The following TXLNB variants were observed in gnomAD, a reference collection of about 807,000 sequenced individuals.
TXLNB encodes the protein beta-taxilin.
In TXLNB, 37 loss-of-function variants were observed where a neutral mutation model predicts 57.4. The observed-to-expected ratio is 0.64, with a 90% confidence interval of 0.50 to 0.85. The LOEUF (loss-of-function observed/expected upper bound fraction) is 0.85, where lower values mean the gene tolerates loss of function less well. Among genes scored for constraint, TXLNB ranks in the 40% least tolerant of loss-of-function variants. TXLNB has a pLI of 0.00. For missense variants in TXLNB, 848 were observed against 825.6 expected, an observed-to-expected ratio of 1.03 and a Z score of -0.33; for synonymous variants, 302 against 309.6, an observed-to-expected ratio of 0.98 and a Z score of 0.26.
chr6:139,175,782 T>G, the TXLNB span, among the ~76,000 whole-genome samples: 1 of 152,208 alleles, frequency 6.6e-6, no homozygotes, highest in African/African-American at 2.4e-5. Context: ...ATGAGATTAT[T>G]TCCATGTCTT....
chr6:139,188,124 G>A, the TXLNB span, among the ~76,000 whole-genome samples: 25 of 152,248 alleles, frequency 1.6e-4, no homozygotes, highest in African/African-American at 5.5e-4. Context: ...CTTACTAAGA[G>A]GCTCCTGAAG....
chr6:139,277,047 G>A (rs1336748044), intron 2 of TXLNB, 126 bp from the exon 3 acceptor site: 19 of 663,880 alleles, frequency 2.9e-5, no homozygotes, highest in Non-Finnish European at 2.7e-5. Context: ...CTTATCAGAT[G>A]TAATTTTCTT....
the TXLNB span, among the ~76,000 whole-genome samples, chr6:139,301,468 C>T: frequency 2.6e-5 from 4 of 152,152 alleles, no homozygotes; most frequent in Non-Finnish European, 5.9e-5. Context: ...CCAAAGCTAC[C>T]TTCCTATGAA....
chr6:139,229,849 T>G, the TXLNB span, among the ~76,000 whole-genome samples: 1 of 152,188 alleles, frequency 6.6e-6, no homozygotes, highest in Non-Finnish European at 1.5e-5. Flanking sequence ...CATTAAATAT[T>G]CTCTGATAGA....
chr6:139,269,906 T>C (rs2114556534), intron 4 of TXLNB, among the ~76,000 whole-genome samples: 1 of 152,326 alleles, frequency 6.6e-6, no homozygotes, highest in African/African-American at 2.4e-5. Flanking sequence ...AGTCTATTAT[T>C]TTTAGATTGA....
chr6:139,181,672 G>T, the TXLNB span, among the ~76,000 whole-genome samples: 1 of 152,166 alleles, frequency 6.6e-6, no homozygotes, highest in Non-Finnish European at 1.5e-5. Context: ...GAATGTATAG[G>T]AAAGGTCTTG....
the TXLNB span, chr6:139,234,717 GA>G: frequency 6.6e-6 from 1 of 152,392 alleles, no homozygotes; most frequent in East Asian, 1.9e-4. Flanking sequence ...CAGTGCAGAA[GA>G]AAAATGTGGG....
In TXLNB at chr6:139,255,303, C is replaced by G. The variant is rs1776307275; in HGVS notation, c.1077+261G>C. Reference sequence around the variant, plus strand: ...CTGGACACTGGCTGACTCTCTTGACCACTGTACTGTCATCCATTGTCTGTC... The same window carrying G: ...CTGGACACTGGCTGACTCTCTTGACGACTGTACTGTCATCCATTGTCTGTC... On this transcript the variant is annotated intron_variant, in intron 7 of 9. Transcript: ENST00000358430. 6 of 487,080 alleles carry G rather than the reference C, an allele frequency of 1.2e-5. No homozygotes were observed. In the East Asian group the frequency reaches 2.8e-4, roughly 23 times the overall value. The allele number at this position is 487,080 out of a possible 1,614,324, so 30.2% of individuals were successfully genotyped here.
chr6:139,171,445 A>G, the TXLNB span, among the ~76,000 whole-genome samples: 1 of 152,220 alleles, frequency 6.6e-6, no homozygotes, highest in African/African-American at 2.4e-5. Flanking sequence ...AAACCTGAAG[A>G]TCAGGGTGTT....
the TXLNB span, among the ~76,000 whole-genome samples, chr6:139,301,246 C>G: frequency 6.6e-6 from 1 of 151,846 alleles, no homozygotes; most frequent in Non-Finnish European, 1.5e-5. Flanking sequence ...TCATATATAC[C>G]CAAGAGAGGT....
the TXLNB span, among the ~76,000 whole-genome samples, chr6:139,224,236 A>T: frequency 6.7e-6 from 1 of 148,714 alleles, no homozygotes; most frequent in African/African-American, 2.5e-5. Flanking sequence ...CATAGGTGGG[A>T]ATTGAACAAT....
the TXLNB span, among the ~76,000 whole-genome samples, chr6:139,318,120 A>G: frequency 1.3e-5 from 2 of 151,818 alleles, no homozygotes; most frequent in East Asian, 3.9e-4. Context: ...AATACAAAAA[A>G]TTAGCTGGGG....
chr6:139,315,826 CT>C, the TXLNB span, among the ~76,000 whole-genome samples: 1 of 152,028 alleles, frequency 6.6e-6, no homozygotes, highest in Non-Finnish European at 1.5e-5. Flanking sequence ...CAATTACTTT[CT>C]TATAAATTTA....
At chr6:139,280,208 T>G (rs1218503015) in intron 2 of TXLNB, among the ~76,000 whole-genome samples, 2 of 137,056 alleles carry the variant, frequency 1.5e-5, no homozygotes, top group Non-Finnish European at 3.0e-5. Context: ...GCCGAGACTG[T>G]ACCACTGCAC....
the TXLNB span, among the ~76,000 whole-genome samples, chr6:139,230,119 T>C: frequency 6.6e-6 from 1 of 152,222 alleles, no homozygotes; most frequent in East Asian, 1.9e-4. Flanking sequence ...TTCCTCTTGG[T>C]ATTGCTTTAA....
At chr6:139,295,198 T>G (rs1294059845), upstream of TXLNB, among the ~76,000 whole-genome samples, 3 of 152,198 alleles carry the variant, frequency 2.0e-5, no homozygotes, top group African/African-American at 7.2e-5. Flanking sequence ...AACAGGCATA[T>G]GCATTTTCAA....
chr6:139,221,687 TA>T, the TXLNB span, among the ~76,000 whole-genome samples: 9 of 152,000 alleles, frequency 5.9e-5, no homozygotes, highest in East Asian at 1.9e-4. Flanking sequence ...CTGGAAACTA[TA>T]AAAAAATAAG....
At chr6:139,226,116 T>C in the TXLNB span, among the ~76,000 whole-genome samples, 1 of 151,448 alleles carries the variant, frequency 6.6e-6, no homozygotes, top group Non-Finnish European at 1.5e-5. Context: ...CTGGAGAACA[T>C]GGAGAAACCC....
intron 6 of TXLNB, among the ~76,000 whole-genome samples, chr6:139,258,425 T>C (rs1776399297): frequency 6.6e-6 from 1 of 152,158 alleles, no homozygotes; most frequent in South Asian, 2.1e-4. Context: ...TTCTCTTGGA[T>C]TGTGAATAAT....
Sources: gnomAD v4.1 joint callset for allele counts (sites outside exome capture counted in the v4.1 genomes callset) on GRCh38, gnomAD v4.1.1 for gene constraint, MANE v1.5 for transcripts, NCBI Gene and HGNC (gene_info 2026-07-23, HGNC 2026-07-21) for gene names.